The following NFATC2 variants were observed in gnomAD, a reference collection of about 807,000 sequenced individuals.
NFATC2 encodes the protein nuclear factor of activated T cells 2.
A neutral mutation model predicts 87.3 loss-of-function variants in NFATC2; 22 were observed. The observed-to-expected ratio is 0.25, with a 90% CI of 0.18 to 0.36. The LOEUF is 0.36. Among genes scored for constraint, NFATC2 ranks in the 10% least tolerant of loss-of-function variants. The pLI is 1.00. For missense variants in NFATC2, 1,149 were observed against 1,259.1 expected, an observed-to-expected ratio of 0.91 and a Z score of 1.32; for synonymous variants, 565 against 542.2, an observed-to-expected ratio of 1.04 and a Z score of -0.58.
chr20:51,553,074 A>G (rs560198668), intron 1 of NFATC2, among the ~76,000 whole-genome samples: 10 of 151,504 alleles, frequency 6.6e-5, no homozygotes, highest in South Asian at 2.1e-4. Context: ...CAAAATTCCA[A>G]CTTCTTAAAA....
chr20:51,399,784 T>G lies in NFATC2; in HGVS notation c.2723-1054A>C, dbSNP rs964707960. Among the ~76,000 whole-genome samples the G allele has an allele frequency of 3.3e-5, 5 of 152,292 alleles. No homozygotes were observed. In the South Asian group the frequency reaches 1.0e-3, roughly 32 times the overall value. On this transcript the variant is annotated intron_variant, in intron 9 of 10. Coordinates refer to ENST00000371564, the MANE Select transcript of NFATC2 (RefSeq NM_012340.5). The stretch of plus-strand genomic sequence containing the variant: ...AGCTCCCACACTAAACTGCCCAGTC[T>G]CCACTTGAAACTGACTTCTTCCAAG...
Position 51,553,917 on chromosome 20 carries a change from G to A in NFATC2, c.70+8643C>T, listed in dbSNP as rs546159955. 2.6e-5 allele frequency among the ~76,000 whole-genome samples: 4 copies of A among 152,032 alleles called. No individual in the cohort carries two copies. The South Asian group carries it at 6.3e-4, about 24-fold the overall frequency. On this transcript the variant is annotated intron_variant, in intron 1 of 10. Transcript: ENST00000414705. ...CTCACTCAATGTACCTGTCACCGTC[G>A]GCCCACTGTCCCCCCTCAGTCACCC...
chr20:51,447,586 T>C (rs1677789600), intron 6 of NFATC2, among the ~76,000 whole-genome samples: 1 of 152,228 alleles, frequency 6.6e-6, no homozygotes, highest in Non-Finnish European at 1.5e-5. Flanking sequence ...ATCACTTTTA[T>C]TTTTGTGTCC....
At position 51,389,618 on chromosome 20, in the gene NFATC2, G is replaced by T. The variant is rs1402726529; in HGVS notation, c.*1878C>A. On this transcript the variant is annotated 3_prime_UTR_variant, in exon 11 of 11. Coordinates refer to ENST00000371564, the MANE Select transcript of NFATC2 (RefSeq NM_012340.5). ...TTGCTAAACTCTTTGAGCTTAGGGT[G>T]GGTGAGGGAAAGGTCGTTCATTGTC... is the stretch of plus-strand genomic sequence containing the variant. 1 of 152,182 alleles carries T rather than the reference G, an allele frequency of 6.6e-6. No individual in the cohort carries two copies. The highest frequency in any genetic ancestry group is 1.5e-5 in the Non-Finnish European group (1 of 68,028). The allele number at this position is 152,182 out of a possible 1,614,324, so 9.4% of individuals were successfully genotyped here.
chr20:51,419,460 ATGACTCAGATGAGGG>A (rs1192090599), intron 9 of NFATC2, among the ~76,000 whole-genome samples: 2 of 152,144 alleles, frequency 1.3e-5, no homozygotes, highest in African/African-American at 4.8e-5. Context: ...GCCATCTTGG[ATGACTCAGATGAGGG>A]TACCATCCTG....
chr20:51,432,053 C>T lies in NFATC2; in HGVS notation c.2722+14G>A, dbSNP rs1982789623. On this transcript the variant is annotated intron_variant, in intron 9 of 10. Transcript: ENST00000371564. The surrounding 1 kb of genome is among the most constrained non-coding windows in gnomAD (Gnocchi z 4.6). The stretch of plus-strand genomic sequence containing the variant: ...ACCATCCTTACAGGCAGTGACAAAA[C>T]TCAAGCGTCTTACCATCATCCAAGT... The T allele has an allele frequency of 3.3e-6, 5 of 1,512,464 alleles. No homozygotes were observed. The highest frequency in any genetic ancestry group is 1.8e-4 in the Middle Eastern group (1 of 5,562). 93.7% of individuals were successfully genotyped at this position (1,512,464 alleles called of 1,614,324 possible). A position where few individuals can be genotyped will look rare whatever the true frequency, so the allele number is the denominator to read the frequency against.
intron 2 of NFATC2, among the ~76,000 whole-genome samples, chr20:51,519,309 G>A (rs1393539337): frequency 6.6e-6 from 1 of 152,080 alleles, no homozygotes; most frequent in East Asian, 1.9e-4. Context: ...TGGTTCCGAA[G>A]TAGGTATTTG....
intron 9 of NFATC2, among the ~76,000 whole-genome samples, chr20:51,417,005 G>T (rs1271923273): frequency 6.6e-6 from 1 of 152,212 alleles, no homozygotes; most frequent in Non-Finnish European, 1.5e-5. Flanking sequence ...AGATGAAGGA[G>T]TGAAAAGGCA....
intron 9 of NFATC2, among the ~76,000 whole-genome samples, chr20:51,425,394 T>C (rs956566731): frequency 6.6e-6 from 1 of 152,236 alleles, no homozygotes; most frequent in Non-Finnish European, 1.5e-5. Context: ...CAGCAAGGCC[T>C]ACGCTGAGAT....
chr20:51,485,170 G>A (rs8115130), intron 3 of NFATC2, among the ~76,000 whole-genome samples: 1 of 152,188 alleles, frequency 6.6e-6, no homozygotes, highest in Non-Finnish European at 1.5e-5. Context: ...GGAAGCCCTA[G>A]AAACCAGTGT....
chr20:51,492,804 T>C (rs2075917850), intron 3 of NFATC2, among the ~76,000 whole-genome samples: 1 of 152,220 alleles, frequency 6.6e-6, no homozygotes. Flanking sequence ...CAGCCCCTTA[T>C]CGCAGTTTTC....
intron 1 of NFATC2, among the ~76,000 whole-genome samples, chr20:51,554,666 T>C (rs1367313422): frequency 6.6e-6 from 1 of 152,104 alleles, no homozygotes; most frequent in Non-Finnish European, 1.5e-5. Context: ...GTTAAGGAAA[T>C]GAGGGCGTGC....
intron 9 of NFATC2, among the ~76,000 whole-genome samples, chr20:51,417,071 C>T (rs1980143419): frequency 6.6e-6 from 1 of 152,174 alleles, no homozygotes; most frequent in Non-Finnish European, 1.5e-5. Context: ...CTCAGAATCA[C>T]TTCTCACACA....
chr20:51,523,754 C>T lies in NFATC2; in HGVS notation c.487G>A (p.Glu163Lys). The change falls in exon 2 of 11, where the codon GAG (glutamate) becomes AAG (lysine). Residue 163 changes from glutamate to lysine, a missense_variant. Transcript: ENST00000371564. The surrounding 1 kb of genome is among the most constrained non-coding windows in gnomAD (Gnocchi z 6.9). ...CTAGCGGGGCTCAAGCAAAGCGGCT[C>T]GCGGTAGCCCTCGAAGCCGGGCACG... The part of the protein sequence containing the change: ...LPVPGFEGYR[E>K]PLCLSPASSG... 1 of 1,610,218 alleles carries T rather than the reference C, an allele frequency of 6.2e-7. No individual in the cohort carries two copies.
chr20:51,473,901 C>G, intron 5 of NFATC2, 79 bp downstream of exon 5: 1 of 1,507,342 alleles, frequency 6.6e-7, no homozygotes, highest in South Asian at 1.3e-5. Context: ...GGTACCTCGC[C>G]CAGAATACAC....
intron 3 of NFATC2, among the ~76,000 whole-genome samples, chr20:51,500,294 C>T (rs897662580): frequency 6.6e-6 from 1 of 152,078 alleles, no homozygotes; most frequent in South Asian, 2.1e-4. Context: ...TATCCCCAAA[C>T]TCTTTAAAAA....
At chr20:51,438,480 A>G (rs1983886145) in intron 6 of NFATC2, among the ~76,000 whole-genome samples, 1 of 151,554 alleles carries the variant, frequency 6.6e-6, no homozygotes, top group Non-Finnish European at 1.5e-5. Flanking sequence ...AGAAGTTCAT[A>G]ATGGGGAAGA....
chr20:51,506,359 A>T (rs897837911), intron 3 of NFATC2, among the ~76,000 whole-genome samples: 4 of 152,196 alleles, frequency 2.6e-5, no homozygotes, highest in African/African-American at 7.2e-5. Flanking sequence ...CTCAGTAAAC[A>T]TGCATGACTA....
At chr20:51,460,769 G>A (rs749609715) in intron 5 of NFATC2, among the ~76,000 whole-genome samples, 90 of 152,152 alleles carry the variant, frequency 5.9e-4, no homozygotes, top group Non-Finnish European at 1.2e-3. Context: ...CACTACGCCT[G>A]GCCCAGGTTT....
Sources: allele counts gnomAD v4.1 joint callset (sites outside exome capture counted in the v4.1 genomes callset), GRCh38; gene constraint gnomAD v4.1.1; non-coding constraint Gnocchi (gnomAD v3.1); transcripts MANE v1.5; gene names NCBI Gene and HGNC (gene_info 2026-07-23, HGNC 2026-07-21).